PIWIL2: variants seen among roughly 807,000 people sequenced by gnomAD.
PIWIL2 encodes piwi-like protein 2.
In PIWIL2, 81 loss-of-function variants were observed where a neutral mutation model predicts 116.5. The ratio of observed to expected loss-of-function variants is 0.70; its 90% CI spans 0.58 to 0.84. The LOEUF is 0.84. Ranked by LOEUF, PIWIL2 falls within the 40% of genes least tolerant of loss-of-function variation. The pLI, the probability that PIWIL2 is intolerant of heterozygous loss-of-function variation, is 0.00. For synonymous variants in PIWIL2, 489 were observed against 429.5 expected (o/e 1.14, Z -1.71); for missense variants, 1,272 against 1,212.3 (o/e 1.05, Z -0.73).
intron 20 of PIWIL2, among the ~76,000 whole-genome samples, chr8:22,327,511 G>T (rs1343360963): frequency 2.0e-5 from 3 of 151,082 alleles, no homozygotes; most frequent in Admixed American, 1.3e-4. Flanking sequence ...GGGATTACAG[G>T]CATGCACCAC....
chr8:22,282,522 C>T (rs769447789), intron 4 of PIWIL2, among the ~76,000 whole-genome samples: 1 of 151,824 alleles, frequency 6.6e-6, no homozygotes, highest in African/African-American at 2.4e-5. Flanking sequence ...GTCAAACTTT[C>T]TCCTCTATTC....
intron 20 of PIWIL2, 82 bp downstream of exon 20, chr8:22,318,357 G>T: frequency 1.3e-6 from 1 of 769,410 alleles, no homozygotes; most frequent in Non-Finnish European, 2.2e-6. Flanking sequence ...CACTCTTGTC[G>T]CCCAGGTTGG....
chr8:22,283,543 G>A (rs1034614408), intron 5 of PIWIL2, among the ~76,000 whole-genome samples: 3 of 152,190 alleles, frequency 2.0e-5, no homozygotes, highest in Admixed American at 2.0e-4. Flanking sequence ...CAAGTAGTTG[G>A]GATTATAGGC....
intron 1 of PIWIL2, among the ~76,000 whole-genome samples, chr8:22,277,066 A>G (rs903427938): frequency 5.3e-5 from 8 of 150,946 alleles, no homozygotes; most frequent in African/African-American, 2.0e-4. Flanking sequence ...TTGTGCTGTC[A>G]CCCAGGCTGG....
In PIWIL2 at chr8:22,355,568, T is replaced by A. The variant is rs543761404; in HGVS notation, c.*63T>A. 3 of 1,470,732 alleles carry A rather than the reference T, an allele frequency of 2.0e-6. No individual in the cohort carries two copies. The highest frequency in any genetic ancestry group is 4.6e-5 in the East Asian group (2 of 43,224). 91.1% of individuals were successfully genotyped at this position (1,470,732 alleles called of 1,614,324 possible). On this transcript the variant is annotated 3_prime_UTR_variant, in exon 23 of 23. Transcript: ENST00000356766. ...GGCCTCAGAACTCAGCTGTGACTCT[T>A]GCAGAATCAACAGAGACTGAAGTGG...
chr8:22,286,179 CTT>C (rs1043828879), intron 6 of PIWIL2, among the ~76,000 whole-genome samples: 1 of 151,932 alleles, frequency 6.6e-6, no homozygotes, highest in African/African-American at 2.4e-5. Flanking sequence ...ACTGAATTTG[CTT>C]GTTGAGGGTG....
chr8:22,306,441 TAAGTC>T lies in PIWIL2; in HGVS notation c.1545+427_1545+431del, dbSNP rs572234819. The stretch of plus-strand genomic sequence containing the variant: ...AGAAGATAATGAGGCAAAAAGCAAA[TAAGTC>T]AGGAGATGAGGATGGTTTATCTTGT... On this transcript the variant is annotated intron_variant, in intron 13 of 22. Coordinates refer to ENST00000356766, the MANE Select transcript of PIWIL2 (RefSeq NM_018068.5). Among the ~76,000 whole-genome samples the T allele has an allele frequency of 3.9e-5, 6 of 152,268 alleles. No individual in the cohort carries two copies. The South Asian group carries it at 1.2e-3, about 32-fold the overall frequency.
intron 20 of PIWIL2, among the ~76,000 whole-genome samples, chr8:22,334,783 G>C (rs1168263780): frequency 6.6e-6 from 1 of 151,988 alleles, no homozygotes; most frequent in Non-Finnish European, 1.5e-5. Context: ...TTAGCCAGGT[G>C]CGGTGGCTCA....
chr8:22,290,104 T>C, intron 9 of PIWIL2, 129 bp from the exon 10 acceptor site: 1 of 710,564 alleles, frequency 1.4e-6, no homozygotes, highest in Non-Finnish European at 2.4e-6. Context: ...GTCAATTAAC[T>C]TAGTTTCTTG....
At chr8:22,278,664 GGGGGCCTGTTA>G (rs1477553508) in intron 1 of PIWIL2, among the ~76,000 whole-genome samples, 7 of 152,212 alleles carry the variant, frequency 4.6e-5, no homozygotes, top group African/African-American at 1.7e-4. Flanking sequence ...AGGCTGGTTG[GGGGGCCTGTTA>G]GGAACTGGGC....
intron 10 of PIWIL2, among the ~76,000 whole-genome samples, chr8:22,296,200 C>T (rs931476907): frequency 3.3e-5 from 5 of 152,160 alleles, no homozygotes; most frequent in South Asian, 2.1e-4. Context: ...GGACTACAGG[C>T]GTGCGCCACC....
At chr8:22,344,079 T>C (rs1025678463) in intron 20 of PIWIL2, among the ~76,000 whole-genome samples, 8 of 152,224 alleles carry the variant, frequency 5.3e-5, no homozygotes, top group Admixed American at 1.3e-4. Flanking sequence ...TGAAAAGACA[T>C]GGAGGAATCT....
At position 22,316,295 on chromosome 8, in the gene PIWIL2, C is replaced by T. The variant is rs1354219427; in HGVS notation, c.2259C>T (p.Gly753=). 1.2e-6 allele frequency: 2 copies of T among 1,612,908 alleles called. No individual in the cohort carries two copies. Among genetic ancestry groups the T allele is most frequent in the Admixed American group, 3.3e-5 (2 of 59,980 alleles). The change falls in exon 19 of 23, where the codon GGC becomes GGT. Residue 753 remains glycine, a synonymous_variant. Transcript: ENST00000356766. ...ATGTTTACCATGACCCCAGTAGAGG[C>T]ATGCGCTCCGTGGTTGGCTTCGTGG... ...GMDVYHDPSR[G]MRSVVGFVAS...
chr8:22,291,276 G>A (rs766247213), intron 10 of PIWIL2, among the ~76,000 whole-genome samples: 2 of 151,672 alleles, frequency 1.3e-5, no homozygotes, highest in Non-Finnish European at 2.9e-5. Flanking sequence ...TCAGCCTCCC[G>A]AGTAGCCAGG....
intron 5 of PIWIL2, 49 bp downstream of exon 5, chr8:22,283,289 C>T: frequency 6.9e-7 from 1 of 1,454,860 alleles, no homozygotes. Context: ...CGTGAAAACT[C>T]TGCATTTTGG....
intron 20 of PIWIL2, among the ~76,000 whole-genome samples, chr8:22,346,755 A>G (rs1832235553): frequency 1.3e-5 from 2 of 152,182 alleles, no homozygotes; most frequent in African/African-American, 2.4e-5. Flanking sequence ...TTTACTTAGA[A>G]ATAACAATAA....
chr8:22,347,733 G>C (rs562180146), intron 20 of PIWIL2, among the ~76,000 whole-genome samples: 42 of 150,472 alleles, frequency 2.8e-4, no homozygotes, highest in African/African-American at 1.0e-3. Flanking sequence ...CACTGTGTTG[G>C]CCAGGCTGGT....
chr8:22,275,503 C>T (rs1563335495), intron 1 of PIWIL2, 105 bp downstream of exon 1: 1 of 152,218 alleles, frequency 6.6e-6, no homozygotes, highest in Non-Finnish European at 1.5e-5. Flanking sequence ...CCCTCCCGGG[C>T]CTCTCCCCTC....
rs1048202726 is a variant in PIWIL2 at position 22,280,103 on chromosome 8, C to T, written c.198+519C>T. Among the ~76,000 whole-genome samples, 6 of 152,104 alleles carry T rather than the reference C, an allele frequency of 3.9e-5. No homozygotes were observed. In the East Asian group the frequency reaches 7.7e-4, roughly 20 times the overall value. On this transcript the variant is annotated intron_variant, in intron 2 of 22. Transcript: ENST00000356766. ...GTATGAAGAAGTACCTCATAATGAGCGCTAGATGGACTTGGTAAGTACCAT... is the reference window on the plus strand; with the variant it reads ...GTATGAAGAAGTACCTCATAATGAGTGCTAGATGGACTTGGTAAGTACCAT...
Sources: allele counts gnomAD v4.1 joint callset (sites outside exome capture counted in the v4.1 genomes callset), GRCh38; gene constraint gnomAD v4.1.1; transcripts MANE v1.5; gene names NCBI Gene and HGNC (gene_info 2026-07-23, HGNC 2026-07-21).